CRYAB: variants seen among roughly 807,000 people sequenced by gnomAD.
CRYAB encodes the protein alpha-crystallin B chain.
In CRYAB, 9 loss-of-function variants were observed where a neutral mutation model predicts 12.7. The observed-to-expected ratio is 0.71, with a 90% confidence interval of 0.43 to 1.24. CRYAB has a LOEUF of 1.24. Ranked by LOEUF, CRYAB falls within the 50% of genes most tolerant of loss-of-function variation. The pLI, the probability that CRYAB is intolerant of heterozygous loss-of-function variation, is 0.00. For synonymous variants in CRYAB, 93 were observed against 86.8 expected (o/e 1.07, Z -0.40); for missense variants, 183 against 226.6 (o/e 0.81, Z 1.24).
upstream of CRYAB, chr11:111,913,871 G>A: frequency 1.2e-6 from 2 of 1,611,348 alleles, no homozygotes; most frequent in East Asian, 2.2e-5. Flanking sequence ...AGGAAGAGGA[G>A]GAGGCAGCCA....
intron 1 of CRYAB, among the ~76,000 whole-genome samples, chr11:111,923,211 A>C (rs1965728410): frequency 6.6e-6 from 1 of 152,280 alleles, no homozygotes; most frequent in South Asian, 2.1e-4. Flanking sequence ...CTGAAGTGGC[A>C]GAAGAAGTAG....
chr11:111,909,954 T>C (rs1335113633), intron 2 of CRYAB: 2 of 585,930 alleles, frequency 3.4e-6, no homozygotes, highest in Non-Finnish European at 6.1e-6. Context: ...ATTTAATTGG[T>C]CTGGAGTAGT....
At chr11:111,910,538 T>C in intron 1 of CRYAB, 89 bp from the exon 2 acceptor site, 1 of 1,494,506 alleles carries the variant, frequency 6.7e-7, no homozygotes, top group Non-Finnish European at 9.3e-7. Flanking sequence ...CAGAGCTGCT[T>C]TCTGTCCGGG....
chr11:111,913,691 A>G (rs1364829269), upstream of CRYAB: 4 of 1,614,018 alleles, frequency 2.5e-6, no homozygotes, highest in Non-Finnish European at 3.4e-6. Flanking sequence ...TCGTGTCCCG[A>G]GAGTTCTGCC....
chr11:111,909,076 G>T, intron 2 of CRYAB, 109 bp from the exon 3 acceptor site: 1 of 1,063,706 alleles, frequency 9.4e-7, no homozygotes, highest in Non-Finnish European at 1.4e-6. Context: ...CAAATGCCAT[G>T]ACAACATAGG....
chr11:111,908,831 C>T lies in CRYAB; in HGVS notation c.461G>A (p.Gly154Asp), dbSNP rs1555165228. 6.2e-7 allele frequency: 1 copy of T among 1,613,680 alleles called. No homozygotes were observed. The highest frequency in any genetic ancestry group is 1.7e-5 in the Admixed American group (1 of 59,998). ...TVNGPRKQVS[G>D]PERTIPITRE... ...GGTGATGGGAATGGTGCGCTCAGGG[C>T]CAGAGACCTGTTTCCTTGGTCCATT... The change falls in exon 3 of 3, where the codon GGC becomes GAC. Residue 154 changes from glycine to aspartate, a missense_variant. This residue lies in a region of CRYAB where 95 missense variants were observed against 112.5 expected (regional missense o/e 0.84). Coordinates refer to ENST00000650687, the MANE Select transcript of CRYAB (RefSeq NM_001289808.2).
chr11:111,913,501 G>C (rs1465051226), upstream of CRYAB: 4 of 1,613,590 alleles, frequency 2.5e-6, no homozygotes, highest in South Asian at 3.3e-5. Context: ...GTCCGGCCTC[G>C]GGCCGCCCCA....
At chr11:111,913,333 G>T, upstream of CRYAB, 1 of 840,722 alleles carries the variant, frequency 1.2e-6, no homozygotes, top group South Asian at 1.6e-5. Flanking sequence ...TACTCCTCCT[G>T]ACTCCCCTCT....
Position 111,908,965 on chromosome 11 carries a change from A to C in CRYAB, c.327T>G (p.Asp109Glu), listed in dbSNP as rs1555165258. ...EVHGKHEERQ[D>E]EHGFISREFH... is the part of the protein sequence containing the mutation. Reference sequence around the variant, plus strand: ...ACTCCCTGGAGATGAAACCATGTTCATCCTAACCCAAAAGAATGAGGAAAG... The same window carrying C: ...ACTCCCTGGAGATGAAACCATGTTCCTCCTAACCCAAAAGAATGAGGAAAG... Residue 109 changes from aspartate to glutamate, a missense_variant and splice_region_variant, in exon 3 of 3, where the codon GAT (aspartate) becomes GAG (glutamate). This residue lies in a region of CRYAB where 95 missense variants were observed against 112.5 expected (regional missense o/e 0.84). Coordinates refer to ENST00000650687, the MANE Select transcript of CRYAB (RefSeq NM_001289808.2). The C allele has an allele frequency of 6.2e-7, 1 of 1,614,186 alleles. No individual in the cohort carries two copies. The highest frequency in any genetic ancestry group is 1.1e-5 in the South Asian group (1 of 91,074).
upstream of CRYAB, among the ~76,000 whole-genome samples, chr11:111,917,002 A>C (rs1044091649): frequency 3.0e-4 from 46 of 152,098 alleles, no homozygotes; most frequent in East Asian, 2.9e-3. Context: ...CTACAGGCAC[A>C]CATCACCACA....
chr11:111,923,642 G>A (rs1266702531), intron 1 of CRYAB: 1 of 152,202 alleles, frequency 6.6e-6, no homozygotes, highest in Non-Finnish European at 1.5e-5. Flanking sequence ...GACCCCAGGG[G>A]CTCAGAAATA....
At chr11:111,910,774 G>T (rs1451288351) in intron 1 of CRYAB, 10 of 417,492 alleles carry the variant, frequency 2.4e-5, no homozygotes, top group Non-Finnish European at 4.0e-5. Flanking sequence ...TTTGTGGTTT[G>T]TCTGTGAGAC....
In CRYAB at chr11:111,910,342, T is replaced by C. The variant is rs781792195; in HGVS notation, c.309A>G (p.Lys103=). 6.2e-7 allele frequency: 1 copy of C among 1,614,194 alleles called. No individual in the cohort carries two copies. The highest frequency in any genetic ancestry group is 8.5e-7 in the Non-Finnish European group (1 of 1,180,012). ...AGCTACATACCTGGCGCTCTTCATG[T>C]TTTCCATGCACCTCAATCACATCTC... ...VLGDVIEVHG[K]HEERQDEHGF... is the part of the protein sequence containing the mutation. Residue 103 remains lysine, a synonymous_variant, in exon 2 of 3, where the codon AAA becomes AAG. Coordinates refer to ENST00000650687, the MANE Select transcript of CRYAB (RefSeq NM_001289808.2).
At chr11:111,913,229 TCTCCTC>T (rs1385611234), upstream of CRYAB, 4 of 584,860 alleles carry the variant, frequency 6.8e-6, no homozygotes, top group South Asian at 6.0e-5. Context: ...TCCTCCTCCT[TCTCCTC>T]CTCCTCCTCC....
chr11:111,909,393 AAAT>A, intron 2 of CRYAB: 3 of 357,548 alleles, frequency 8.4e-6, no homozygotes, highest in African/African-American at 2.1e-5. Context: ...AAAAAAAAAA[AAAT>A]GACTCCATCC....
At chr11:111,920,275 C>T (rs1440428975) in intron 1 of CRYAB, among the ~76,000 whole-genome samples, 2 of 152,042 alleles carry the variant, frequency 1.3e-5, no homozygotes, top group Non-Finnish European at 2.9e-5. Context: ...GTGACTCACA[C>T]CTGTAATCCT....
intron 2 of CRYAB, chr11:111,909,315 G>T: frequency 2.2e-6 from 1 of 453,012 alleles, no homozygotes. Flanking sequence ...AGGAAGCCCT[G>T]AAATTGTCCT....
At position 111,919,901 on chromosome 11, in the gene CRYAB, A is replaced by G. The variant is rs1197230254; in HGVS notation, c.-199+3802T>C. On this transcript the variant is annotated intron_variant, in intron 1 of 3. Coordinates refer to the CRYAB transcript ENST00000527950. ...GTCAACTTTGAAGCAATGTTTATTT[A>G]AAAGGGCAGAAGTGCCAGGCGTGGT... Among the ~76,000 whole-genome samples the G allele has an allele frequency of 8.5e-5, 13 of 152,322 alleles. No homozygotes were observed. The South Asian group carries it at 2.5e-3, about 29-fold the overall frequency.
At chr11:111,920,669 C>G (rs935531253) in intron 1 of CRYAB, among the ~76,000 whole-genome samples, 1 of 152,110 alleles carries the variant, frequency 6.6e-6, no homozygotes. Context: ...GAGGCTGAGG[C>G]AGGAGGATCA....
Sources: gnomAD v4.1 joint callset for allele counts (sites outside exome capture counted in the v4.1 genomes callset) on GRCh38, gnomAD v4.1.1 for gene constraint, gnomAD v4.1.1 regional missense constraint, MANE v1.5 for transcripts, NCBI Gene and HGNC (gene_info 2026-07-23, HGNC 2026-07-21) for gene names.